MAP3K5: variants seen among roughly 807,000 people sequenced by gnomAD.
The protein encoded by MAP3K5 is ASK-1.
In MAP3K5, 56 loss-of-function variants were observed where a neutral mutation model predicts 158.7. The ratio of observed to expected loss-of-function variants is 0.35; its 90% CI spans 0.28 to 0.44. The LOEUF (loss-of-function observed/expected upper bound fraction) is 0.44, where lower values mean the gene tolerates loss of function less well. MAP3K5 is among the 20% of genes least tolerant of loss of function. The pLI is 1.00. For missense variants in MAP3K5, 1,294 were observed against 1,674.8 expected (o/e 0.77, Z 3.97); for synonymous variants, 579 against 601.7 (o/e 0.96, Z 0.55).
intron 25 of MAP3K5, among the ~76,000 whole-genome samples, chr6:136,574,657 G>A (rs1387414486): frequency 6.8e-6 from 1 of 146,872 alleles, no homozygotes; most frequent in African/African-American, 2.5e-5. Context: ...TGTTCTGTGT[G>A]CTCCTTTTGG....
intron 13 of MAP3K5, 115 bp from the exon 14 acceptor site, chr6:136,637,521 C>G: frequency 1.4e-6 from 1 of 691,892 alleles, no homozygotes; most frequent in Admixed American, 2.2e-5. Flanking sequence ...TCTCCAGAAC[C>G]AGGCAATAAC....
At chr6:136,728,850 G>A (rs1782086400) in intron 1 of MAP3K5, among the ~76,000 whole-genome samples, 1 of 152,116 alleles carries the variant, frequency 6.6e-6, no homozygotes, top group African/African-American at 2.4e-5. Context: ...GAGGTAATCA[G>A]AGGGATATTT....
intron 1 of MAP3K5, among the ~76,000 whole-genome samples, chr6:136,738,717 A>C (rs1221942565): frequency 1.3e-5 from 2 of 152,178 alleles, no homozygotes; most frequent in Non-Finnish European, 2.9e-5. Flanking sequence ...AGAAAGAGCT[A>C]ATGAGCTGAA....
At chr6:136,742,762 G>C (rs996361816) in intron 1 of MAP3K5, among the ~76,000 whole-genome samples, 1 of 152,212 alleles carries the variant, frequency 6.6e-6, no homozygotes, top group African/African-American at 2.4e-5. Context: ...ATCTGTTAAA[G>C]AGTGTTATCC....
At chr6:136,771,465 T>C (rs919207548) in intron 1 of MAP3K5, among the ~76,000 whole-genome samples, 1 of 152,108 alleles carries the variant, frequency 6.6e-6, no homozygotes, top group Non-Finnish European at 1.5e-5. Context: ...ACTGTTGCCA[T>C]AGCAATACCA....
intron 21 of MAP3K5, among the ~76,000 whole-genome samples, chr6:136,594,177 G>T (rs1375395288): frequency 6.6e-6 from 1 of 152,220 alleles, no homozygotes; most frequent in African/African-American, 2.4e-5. Context: ...GGAAATGCCT[G>T]GCATGTATTG....
chr6:136,561,037 T>A (rs944226354), intron 28 of MAP3K5, among the ~76,000 whole-genome samples: 4 of 151,582 alleles, frequency 2.6e-5, no homozygotes, highest in Admixed American at 2.6e-4. Flanking sequence ...TTTTTTCTTT[T>A]AGTCCTGTCT....
At chr6:136,709,616 C>A (rs937271807) in intron 2 of MAP3K5, among the ~76,000 whole-genome samples, 44 of 152,280 alleles carry the variant, frequency 2.9e-4, no homozygotes, top group African/African-American at 1.1e-3. Context: ...AGCAAATGGC[C>A]ACTACTGGCT....
chr6:136,735,522 T>C (rs1180649406), intron 1 of MAP3K5, among the ~76,000 whole-genome samples: 1 of 152,218 alleles, frequency 6.6e-6, no homozygotes, highest in Non-Finnish European at 1.5e-5. Context: ...TCCTTATCTT[T>C]CAGAGAAGAA....
chr6:136,622,757 C>A, intron 15 of MAP3K5, 91 bp downstream of exon 15: 2 of 1,363,832 alleles, frequency 1.5e-6, no homozygotes, highest in Admixed American at 3.9e-5. Context: ...TTCACAGTTT[C>A]ATTCATTAGA....
rs772364236 is a variant in MAP3K5 at position 136,697,289 on chromosome 6, C to T, written c.905G>A (p.Arg302Gln). The part of the protein sequence containing the change: ...LAAELARIRQ[R>Q]VDNIEVLTAD... Reference sequence around the variant, plus strand: ...TGTCAAGACTTCGATATTATCTACTCGCTGCCGAATTCTTGCCAACTCAGC... The same window carrying T: ...TGTCAAGACTTCGATATTATCTACTTGCTGCCGAATTCTTGCCAACTCAGC... The change falls in exon 5 of 30, where the codon CGA becomes CAA. Residue 302 changes from arginine to glutamine, a missense_variant. Around this residue, in one of 5 missense-constraint regions of MAP3K5, gnomAD observed 690 missense variants for 870.5 expected, o/e 0.79. Coordinates refer to ENST00000359015, the MANE Select transcript of MAP3K5 (RefSeq NM_005923.4). 5.6e-6 allele frequency: 9 copies of T among 1,613,850 alleles called. No individual in the cohort carries two copies. In the East Asian group the frequency reaches 1.6e-4, roughly 28 times the overall value.
intron 3 of MAP3K5, among the ~76,000 whole-genome samples, chr6:136,699,966 C>A (rs1160882663): frequency 1.3e-5 from 2 of 152,022 alleles, no homozygotes; most frequent in Non-Finnish European, 2.9e-5. Flanking sequence ...GGGTGGTGCA[C>A]GCCCTTAATC....
At chr6:136,721,664 T>A in intron 1 of MAP3K5, among the ~76,000 whole-genome samples, 1 of 152,228 alleles carries the variant, frequency 6.6e-6, no homozygotes, top group Non-Finnish European at 1.5e-5. Flanking sequence ...AAAAAACTCA[T>A]CAGCATCTCG....
chr6:136,738,129 A>G (rs1254010988), intron 1 of MAP3K5, among the ~76,000 whole-genome samples: 1 of 152,194 alleles, frequency 6.6e-6, no homozygotes, highest in Admixed American at 6.5e-5. Flanking sequence ...GAGAAAAATA[A>G]ATTGCACAAT....
chr6:136,664,486 T>G (rs1779144404), intron 8 of MAP3K5, among the ~76,000 whole-genome samples: 1 of 152,140 alleles, frequency 6.6e-6, no homozygotes, highest in African/African-American at 2.4e-5. Context: ...ACAAAACCAG[T>G]CCCTATTGCT....
chr6:136,687,297 G>A (rs1416460486), intron 7 of MAP3K5, among the ~76,000 whole-genome samples: 2 of 152,118 alleles, frequency 1.3e-5, no homozygotes, highest in African/African-American at 2.4e-5. Flanking sequence ...AGACTTAAAT[G>A]TAAGACCTAA....
intron 25 of MAP3K5, among the ~76,000 whole-genome samples, chr6:136,571,745 T>G (rs1774378327): frequency 6.6e-6 from 1 of 152,226 alleles, no homozygotes; most frequent in Non-Finnish European, 1.5e-5. Context: ...AAATCCTTCT[T>G]TTAGTTTTTT....
At chr6:136,775,639 A>G (rs1232850755) in intron 1 of MAP3K5, among the ~76,000 whole-genome samples, 1 of 152,260 alleles carries the variant, frequency 6.6e-6, no homozygotes, top group Non-Finnish European at 1.5e-5. Flanking sequence ...CAGAAAAATC[A>G]TGATTGCTTC....
intron 3 of MAP3K5, among the ~76,000 whole-genome samples, chr6:136,702,070 A>G (rs1381762984): frequency 6.6e-6 from 1 of 152,208 alleles, no homozygotes. Context: ...ACCCCATGGT[A>G]TAAGGCTTCA....
Sources: gnomAD v4.1 joint callset for allele counts (sites outside exome capture counted in the v4.1 genomes callset) on GRCh38, gnomAD v4.1.1 for gene constraint, gnomAD v4.1.1 regional missense constraint, MANE v1.5 for transcripts, NCBI Gene and HGNC (gene_info 2026-07-23, HGNC 2026-07-21) for gene names.